MAPK10: variants seen among roughly 807,000 people sequenced by gnomAD.
MAPK10 encodes JNK3 alpha protein kinase.
Under a neutral mutation model 59.3 loss-of-function variants are expected in MAPK10, and 25 were observed. That is an observed-to-expected ratio of 0.42 (90% CI 0.31 to 0.59). The LOEUF (loss-of-function observed/expected upper bound fraction) is 0.59. MAPK10 is among the 20% of genes least tolerant of loss of function. The probability of loss-of-function intolerance (pLI) is 0.15; values close to 1 mark genes in which losing one functional copy is unlikely to be tolerated. For missense variants in MAPK10, 351 were observed against 568.9 expected (o/e 0.62, Z 3.90); for synonymous variants, 190 against 200.5 (o/e 0.95, Z 0.44).
At chr4:86,572,694 T>C (rs2149108680) in intron 1 of MAPK10, among the ~76,000 whole-genome samples, 1 of 152,322 alleles carries the variant, frequency 6.6e-6, no homozygotes, top group East Asian at 1.9e-4. Context: ...ATTGCACAGG[T>C]CTCATGCTCA....
intron 2 of MAPK10, among the ~76,000 whole-genome samples, chr4:86,324,903 A>C (rs1222972402): frequency 6.6e-6 from 1 of 152,212 alleles, no homozygotes. Context: ...TCTTCATAGC[A>C]AAACTTGTCC....
At chr4:86,179,701 T>C (rs555859453) in intron 3 of MAPK10, among the ~76,000 whole-genome samples, 169 of 152,242 alleles carry the variant, frequency 1.1e-3, no homozygotes, top group African/African-American at 3.9e-3. Context: ...TTTACATATC[T>C]ACGCCAACTA....
intron 2 of MAPK10, among the ~76,000 whole-genome samples, chr4:86,324,032 G>A (rs879658549): frequency 2.0e-5 from 3 of 152,096 alleles, no homozygotes; most frequent in Non-Finnish European, 4.4e-5. Context: ...GCTTCTCTTT[G>A]AGGTAGAAAG....
intron 1 of MAPK10, chr4:86,358,065 A>G: frequency 1.0e-6 from 1 of 985,084 alleles, no homozygotes; most frequent in Non-Finnish European, 1.2e-6. Flanking sequence ...ATCAAGGTAG[A>G]GAAGGAAATA....
intron 1 of MAPK10, among the ~76,000 whole-genome samples, chr4:86,415,094 G>A (rs911947736): frequency 4.5e-4 from 65 of 143,582 alleles, no homozygotes; most frequent in Non-Finnish European, 1.9e-4. Context: ...AGCTATGATC[G>A]TACCACTGCA....
At chr4:86,300,898 A>C (rs1478152600) in intron 2 of MAPK10, 2 of 151,850 alleles carry the variant, frequency 1.3e-5, no homozygotes, top group African/African-American at 4.8e-5. Flanking sequence ...GTATTAAAAA[A>C]AAAAAAAAAC....
At position 86,042,100 on chromosome 4, in the gene MAPK10, A is replaced by G. The variant is rs146563621; in HGVS notation, c.1111-10669T>C. Among the ~76,000 whole-genome samples the G allele has an allele frequency of 2.0e-5, 3 of 152,292 alleles. No individual in the cohort carries two copies. In the East Asian group the frequency reaches 5.8e-4, roughly 29 times the overall value. The stretch of plus-strand genomic sequence containing the variant: ...ATCAATGATAGACTGGATAAAGAAA[A>G]TGTGGCACATATACACCTTGGAATA... On this transcript the variant is annotated intron_variant, in intron 11 of 13. Transcript: ENST00000641462.
intron 1 of MAPK10, chr4:86,358,010 A>G (rs186735423): frequency 4.1e-5 from 39 of 940,236 alleles, no homozygotes; most frequent in Non-Finnish European, 2.0e-5. Context: ...GCTCCACATA[A>G]GAAAATAAGC....
intron 1 of MAPK10, among the ~76,000 whole-genome samples, chr4:86,459,781 G>T (rs1400381439): frequency 6.6e-6 from 1 of 152,066 alleles, no homozygotes; most frequent in Admixed American, 6.5e-5. Flanking sequence ...GTGGGAAGGG[G>T]GTGAGGGATA....
chr4:86,576,549 T>C lies in MAPK10; in HGVS notation c.-263+17361A>G, dbSNP rs1328164378. On this transcript the variant is annotated intron_variant, in intron 1 of 4. Transcript: ENST00000502302. ...CAGCACTTTGGGAGGCCGAGACGGG[T>C]GGATCATGAGGTCAGGAGATCAAGA... Among the ~76,000 whole-genome samples, 5 of 146,956 alleles carry C rather than the reference T, an allele frequency of 3.4e-5. No individual in the cohort carries two copies. In the South Asian group the frequency reaches 8.7e-4, roughly 26 times the overall value.
chr4:86,476,425 T>A (rs1753099955), intron 1 of MAPK10, among the ~76,000 whole-genome samples: 1 of 152,188 alleles, frequency 6.6e-6, no homozygotes, highest in African/African-American at 2.4e-5. Context: ...AATGCTCCTT[T>A]TTCTTTATCT....
chr4:86,159,515 AATG>A, intron 3 of MAPK10, 48 bp from the exon 4 acceptor site: 1 of 1,498,874 alleles, frequency 6.7e-7, no homozygotes, highest in East Asian at 2.3e-5. Flanking sequence ...GAACAGGCAG[AATG>A]ATAATGAGAT....
At chr4:86,400,267 A>G (rs1743521917) in intron 1 of MAPK10, among the ~76,000 whole-genome samples, 1 of 152,128 alleles carries the variant, frequency 6.6e-6, no homozygotes, top group Non-Finnish European at 1.5e-5. Flanking sequence ...ACTGAGTGTT[A>G]TTGCTCTTCC....
At chr4:86,082,296 C>T (rs1358423400) in intron 9 of MAPK10, 2 of 152,102 alleles carry the variant, frequency 1.3e-5, no homozygotes, top group Non-Finnish European at 2.9e-5. Flanking sequence ...ATATGTGTGT[C>T]TATTTATTAA....
In MAPK10 at chr4:86,501,680, G is replaced by GCACACACACA. The variant is rs144986675; in HGVS notation, c.-263+92220_-263+92229dup. On this transcript the variant is annotated intron_variant, in intron 1 of 4. Coordinates refer to the MAPK10 transcript ENST00000502302. Reference sequence around the variant, plus strand: ...CATTTGTATGCATGTGTGTGTGCATGCACACACACACACACACACACACTA... The same window carrying GCACACACACA: ...CATTTGTATGCATGTGTGTGTGCATGCACACACACACACACACACACACACACACACACTA... Among the ~76,000 whole-genome samples, 681 of 147,012 alleles carry GCACACACACA rather than the reference G, an allele frequency of 4.6e-3. 3 individuals carry two copies. Among genetic ancestry groups the GCACACACACA allele is most frequent in the African/African-American group, 0.016 (632 of 40,314 alleles).
chr4:86,443,202 C>G (rs1170003417), intron 1 of MAPK10, among the ~76,000 whole-genome samples: 1 of 152,054 alleles, frequency 6.6e-6, no homozygotes, highest in Non-Finnish European at 1.5e-5. Flanking sequence ...ATTTTTACCT[C>G]CAGGAGCTCT....
At chr4:86,413,037 G>A (rs1745400101) in intron 1 of MAPK10, among the ~76,000 whole-genome samples, 1 of 152,162 alleles carries the variant, frequency 6.6e-6, no homozygotes, top group African/African-American at 2.4e-5. Flanking sequence ...TGTGTTTGTG[G>A]TTTTATCTAC....
chr4:86,528,776 A>G (rs2149090470), intron 1 of MAPK10, among the ~76,000 whole-genome samples: 1 of 152,344 alleles, frequency 6.6e-6, no homozygotes, highest in Admixed American at 6.5e-5. Context: ...AACCCCCCAA[A>G]TATATCTTGC....
At chr4:86,236,630 C>T (rs2092259124) in intron 2 of MAPK10, among the ~76,000 whole-genome samples, 2 of 152,048 alleles carry the variant, frequency 1.3e-5, no homozygotes, top group South Asian at 4.1e-4. Context: ...ATTCAGAAGA[C>T]TAAAAGAGGC....
Sources: allele counts gnomAD v4.1 joint callset (sites outside exome capture counted in the v4.1 genomes callset), GRCh38; gene constraint gnomAD v4.1.1; transcripts MANE v1.5; gene names NCBI Gene and HGNC (gene_info 2026-07-23, HGNC 2026-07-21).